Variants in PRKCH observed in about 807,000 individuals in gnomAD.
The protein encoded by PRKCH is protein kinase C eta.
Under a neutral mutation model 82.5 loss-of-function variants are expected in PRKCH, and 28 were observed. The ratio of observed to expected loss-of-function variants is 0.34; its 90% confidence interval spans 0.25 to 0.47. PRKCH has a LOEUF of 0.47. PRKCH is among the 20% of genes least tolerant of loss of function. The pLI, the probability that PRKCH is intolerant of heterozygous loss-of-function variation, is 1.00. For synonymous variants in PRKCH, 322 were observed against 327.4 expected, an observed-to-expected ratio of 0.98 and a Z score of 0.18; for missense variants, 705 against 881.8, an observed-to-expected ratio of 0.80 and a Z score of 2.54.
intron 1 of PRKCH, among the ~76,000 whole-genome samples, chr14:61,232,055 C>G (rs2044749162): frequency 6.6e-6 from 1 of 152,218 alleles, no homozygotes; most frequent in African/African-American, 2.4e-5. Context: ...ACCTCCCCAA[C>G]TGCCCAACTT....
rs551637105 is a variant in PRKCH, at chr14:61,485,373, A to G, written c.1279-129A>G. The G allele has an allele frequency of 2.4e-5, 30 of 1,227,524 alleles. No individual in the cohort carries two copies. The African/African-American group carries it at 3.2e-4, about 13-fold the overall frequency. The allele number at this position is 1,227,524 out of a possible 1,614,324, so 76.0% of individuals were successfully genotyped here. ...TTGCACTGCACCCTGACCCATGGTCAGGATGTTTCCTGGAATACATCCACT... is the reference window on the plus strand; with the variant it reads ...TTGCACTGCACCCTGACCCATGGTCGGGATGTTTCCTGGAATACATCCACT... On this transcript the variant is annotated intron_variant, in intron 9 of 13. Coordinates refer to ENST00000332981, the MANE Select transcript of PRKCH (RefSeq NM_006255.5).
intron 1 of PRKCH, among the ~76,000 whole-genome samples, chr14:61,330,935 C>G (rs1399661040): frequency 7.2e-6 from 1 of 138,486 alleles, no homozygotes; most frequent in Non-Finnish European, 1.6e-5. Context: ...TACGCTAACA[C>G]TAACGATAGC....
chr14:61,292,001 C>G (rs1321624987), intron 1 of PRKCH, among the ~76,000 whole-genome samples: 1 of 152,154 alleles, frequency 6.6e-6, no homozygotes, highest in African/African-American at 2.4e-5. Flanking sequence ...GGTGAAATAG[C>G]TGGGCCTCTA....
chr14:61,387,823 A>C (rs1180222414), intron 1 of PRKCH, among the ~76,000 whole-genome samples: 1 of 152,108 alleles, frequency 6.6e-6, no homozygotes, highest in Non-Finnish European at 1.5e-5. Context: ...GCATGTTCAT[A>C]TTTTCTGTTC....
At chr14:61,226,217 C>G (rs184808873) in intron 1 of PRKCH, among the ~76,000 whole-genome samples, 10 of 152,288 alleles carry the variant, frequency 6.6e-5, no homozygotes, top group Non-Finnish European at 1.3e-4. Context: ...CTGAGCCAGG[C>G]ACTGTGTTAG....
Position 61,393,529 on chromosome 14 carries a change from C to G in PRKCH, c.427+2241C>G, listed in dbSNP as rs150061329. Among the ~76,000 whole-genome samples, 285 of 152,328 alleles carry G rather than the reference C, an allele frequency of 1.9e-3. 3 individuals are homozygous for G. In the East Asian group the frequency reaches 0.047, roughly 25 times the overall value. On this transcript the variant is annotated intron_variant, in intron 2 of 13. Coordinates refer to ENST00000332981, the MANE Select transcript of PRKCH (RefSeq NM_006255.5). ...AATTTTATGTCACTCAAGCTTCTAACTCTTTCTCCTATGGGTGGGAAACAG... is the reference window on the plus strand; with the variant it reads ...AATTTTATGTCACTCAAGCTTCTAAGTCTTTCTCCTATGGGTGGGAAACAG...
At chr14:61,275,559 C>T (rs796129858) in intron 1 of PRKCH, among the ~76,000 whole-genome samples, 81 of 152,258 alleles carry the variant, frequency 5.3e-4, no homozygotes, top group African/African-American at 1.7e-3. Context: ...AAAGACAAAT[C>T]GCACTTAAAT....
chr14:61,499,221 GT>G (rs1886793558), intron 10 of PRKCH, among the ~76,000 whole-genome samples: 1 of 152,206 alleles, frequency 6.6e-6, no homozygotes, highest in Admixed American at 6.5e-5. Flanking sequence ...TTTGCAGCAT[GT>G]CCCTGAAAGG....
chr14:61,207,982 C>T (rs1302577387), intron 1 of PRKCH, among the ~76,000 whole-genome samples: 1 of 152,174 alleles, frequency 6.6e-6, no homozygotes, highest in Admixed American at 6.5e-5. Context: ...CAAGCAAATA[C>T]CAAATGTATG....
chr14:61,376,791 A>T (rs552212383), intron 1 of PRKCH, among the ~76,000 whole-genome samples: 57 of 152,352 alleles, frequency 3.7e-4, no homozygotes, highest in African/African-American at 1.3e-3. Flanking sequence ...TTAACTTGGC[A>T]TCCAAACCTT....
chr14:61,378,260 C>T (rs1005399194), intron 1 of PRKCH, among the ~76,000 whole-genome samples: 14 of 148,916 alleles, frequency 9.4e-5, no homozygotes, highest in Non-Finnish European at 1.5e-4. Flanking sequence ...CTCTCTGTCA[C>T]TTAGGCTGGA....
chr14:61,353,964 A>G (rs1301798692), intron 1 of PRKCH: 1 of 152,130 alleles, frequency 6.6e-6, no homozygotes, highest in Non-Finnish European at 1.5e-5. Context: ...GAAGAATCAC[A>G]TGGATGAAGC....
chr14:61,472,207 C>T (rs1885537559), intron 9 of PRKCH, among the ~76,000 whole-genome samples: 1 of 152,142 alleles, frequency 6.6e-6, no homozygotes, highest in Non-Finnish European at 1.5e-5. Flanking sequence ...CTGGGGGCAT[C>T]CAGGGAGCAA....
At chr14:61,434,065 A>G (rs1393524622) in intron 2 of PRKCH, among the ~76,000 whole-genome samples, 2 of 152,336 alleles carry the variant, frequency 1.3e-5, no homozygotes, top group East Asian at 3.8e-4. Flanking sequence ...GTTCCCTTAC[A>G]TTGCATTTAC....
upstream of PRKCH, among the ~76,000 whole-genome samples, chr14:61,319,944 G>T (rs937509454): frequency 5.9e-5 from 9 of 152,206 alleles, no homozygotes; most frequent in Non-Finnish European, 1.3e-4. Context: ...GTTATTACGG[G>T]TCAGGCCTCC....
chr14:61,302,080 T>C (rs1594899535), intron 1 of PRKCH, among the ~76,000 whole-genome samples: 1 of 152,230 alleles, frequency 6.6e-6, no homozygotes, highest in Non-Finnish European at 1.5e-5. Context: ...CTGTTTCTTC[T>C]TGTGTCAGAT....
chr14:61,305,720 C>G (rs1459709321), intron 1 of PRKCH: 1 of 152,146 alleles, frequency 6.6e-6, no homozygotes, highest in African/African-American at 2.4e-5. Context: ...TCATTCTCAT[C>G]TGTTTAATCA....
intron 9 of PRKCH, among the ~76,000 whole-genome samples, chr14:61,472,025 A>T (rs1189911342): frequency 6.6e-6 from 1 of 152,172 alleles, no homozygotes; most frequent in Non-Finnish European, 1.5e-5. Context: ...TTGGGGGCTC[A>T]TTACAGCTGT....
At chr14:61,260,585 T>C (rs2045037091) in intron 1 of PRKCH, among the ~76,000 whole-genome samples, 1 of 152,220 alleles carries the variant, frequency 6.6e-6, no homozygotes. Context: ...AAACTTTCAG[T>C]TGGAATAATT....
Sources: allele counts gnomAD v4.1 joint callset (sites outside exome capture counted in the v4.1 genomes callset), GRCh38; gene constraint gnomAD v4.1.1; transcripts MANE v1.5; gene names NCBI Gene and HGNC (gene_info 2026-07-23, HGNC 2026-07-21).